Variants in TIAM1 observed in about 807,000 individuals in gnomAD.
The protein encoded by TIAM1 is TIAM Rac1 associated GEF 1.
In TIAM1, 65 loss-of-function variants were observed where a neutral mutation model predicts 163.5. The ratio of observed to expected loss-of-function variants is 0.40; its 90% CI spans 0.33 to 0.49. The LOEUF is 0.49. TIAM1 is among the 20% of genes least tolerant of loss of function. TIAM1 has a pLI of 0.77. For synonymous variants in TIAM1, 833 were observed against 810.1 expected (o/e 1.03, Z -0.48); for missense variants, 1,789 against 2,044.7 (o/e 0.87, Z 2.41).
At chr21:31,365,387 C>CTTTCT (rs1555956902) in intron 2 of TIAM1, among the ~76,000 whole-genome samples, 187 of 128,796 alleles carry the variant, frequency 1.5e-3, no homozygotes, top group East Asian at 1.9e-3. Context: ...TTATTTCTTT[C>CTTTCT]TTTTTTTTTT....
At position 31,141,630 on chromosome 21, in the gene TIAM1, G is replaced by A. The variant is rs1394328256; in HGVS notation, c.3476-126C>T. On this transcript the variant is annotated intron_variant, in intron 20 of 27. Transcript: ENST00000541036. The surrounding 1 kb of genome is among the most constrained non-coding windows in gnomAD (Gnocchi z 4.7). The stretch of plus-strand genomic sequence containing the variant: ...AGGACTGAGCAGAGAGTGGGTGGCA[G>A]GAAGAGGGACAGGTAGGGGAGGGGG... 5 of 1,069,834 alleles carry A rather than the reference G, an allele frequency of 4.7e-6. No individual in the cohort carries two copies. The East Asian group carries it at 1.2e-4, about 26-fold the overall frequency. 66.3% of individuals were successfully genotyped at this position (1,069,834 alleles called of 1,614,324 possible).
rs537302589 is a variant in TIAM1 at position 31,427,348 on chromosome 21, G to A, written c.-369+36635C>T. Among the ~76,000 whole-genome samples the A allele has an allele frequency of 9.2e-5, 14 of 152,128 alleles. No homozygotes were observed. The South Asian group carries it at 1.0e-3, about 11-fold the overall frequency. ...AAAATATGCAAAAAATTGGCCGGGC[G>A]TGGTGGTGGGCGCCTGTAGTCCCAG... On this transcript the variant is annotated intron_variant, in intron 2 of 28. Coordinates refer to the TIAM1 transcript ENST00000286827.
chr21:31,286,831 A>G (rs1455353494), intron 2 of TIAM1, among the ~76,000 whole-genome samples: 4 of 152,336 alleles, frequency 2.6e-5, no homozygotes, highest in African/African-American at 9.6e-5. Context: ...GGACTTTGTC[A>G]GAGGTACCAC....
chr21:31,493,596 G>A (rs997141897), intron 1 of TIAM1, among the ~76,000 whole-genome samples: 1 of 152,176 alleles, frequency 6.6e-6, no homozygotes, highest in Non-Finnish European at 1.5e-5. Flanking sequence ...GCAAGTCATG[G>A]GTTTAGAAGA....
At chr21:31,347,520 G>A (rs1053202658), upstream of TIAM1, among the ~76,000 whole-genome samples, 4 of 152,150 alleles carry the variant, frequency 2.6e-5, no homozygotes, top group South Asian at 2.1e-4. Context: ...TAAGTCATGC[G>A]AATTTCGGAA....
chr21:31,202,191 T>A (rs1280978730), intron 12 of TIAM1, among the ~76,000 whole-genome samples: 1 of 152,096 alleles, frequency 6.6e-6, no homozygotes, highest in African/African-American at 2.4e-5. Flanking sequence ...GCTACGGATG[T>A]CACACAAAAT....
intron 2 of TIAM1, among the ~76,000 whole-genome samples, chr21:31,385,446 G>A (rs2076849273): frequency 6.6e-6 from 1 of 152,054 alleles, no homozygotes; most frequent in African/African-American, 2.4e-5. Flanking sequence ...TGGGGTCAAG[G>A]GTCCCAAGGC....
rs762627653 is a variant in TIAM1, at chr21:31,210,049, C to G, written c.2384G>C (p.Cys795Ser). 1.1e-5 allele frequency: 17 copies of G among 1,613,332 alleles called. No individual in the cohort carries two copies. The highest frequency in any genetic ancestry group is 1.4e-5 in the Non-Finnish European group (16 of 1,179,698). Residue 795 changes from cysteine (C) to serine (S), a missense_variant, in exon 11 of 28, where the codon TGC (cysteine) becomes TCC (serine). This residue lies in a region of TIAM1 where 456 missense variants were observed against 586.6 expected (regional missense o/e 0.78). Transcript: ENST00000541036. Reference protein sequence around the residue: ...DTARDTLELICKTHQLDHSAH... With the variant: ...DTARDTLELISKTHQLDHSAH... ...CAACCCAAAGCAGCTCCATACCTTG[C>G]AAATCAGCTCCAGGGTGTCCCGTGC...
chr21:31,472,524 G>GAAAA (rs952439045), intron 1 of TIAM1, among the ~76,000 whole-genome samples: 1 of 151,610 alleles, frequency 6.6e-6, no homozygotes, highest in Admixed American at 6.6e-5. Flanking sequence ...AAGACTGTCT[G>GAAAA]AAAAAAAATA....
intron 12 of TIAM1, among the ~76,000 whole-genome samples, chr21:31,197,046 T>C (rs1249619617): frequency 6.6e-6 from 1 of 152,096 alleles, no homozygotes; most frequent in Non-Finnish European, 1.5e-5. Context: ...TGAGTACTCA[T>C]GGACATAAAA....
At chr21:31,328,234 A>C (rs978783537) in intron 2 of TIAM1, among the ~76,000 whole-genome samples, 1 of 152,152 alleles carries the variant, frequency 6.6e-6, no homozygotes, top group Non-Finnish European at 1.5e-5. Flanking sequence ...CACATGGTAC[A>C]TGTTGTAACT....
intron 26 of TIAM1, 119 bp downstream of exon 26, chr21:31,126,946 A>C: frequency 1.1e-6 from 1 of 906,544 alleles, no homozygotes; most frequent in Non-Finnish European, 1.7e-6. Context: ...CATTTACTGC[A>C]TCTCAGTGAT....
chr21:31,491,316 G>A (rs1301909572), intron 1 of TIAM1, among the ~76,000 whole-genome samples: 1 of 152,174 alleles, frequency 6.6e-6, no homozygotes, highest in East Asian at 1.9e-4. Flanking sequence ...TATTGTTTAA[G>A]GTATGTTTGG....
At chr21:31,346,453 T>C (rs2076149511), upstream of TIAM1, among the ~76,000 whole-genome samples, 1 of 152,138 alleles carries the variant, frequency 6.6e-6, no homozygotes, top group African/African-American at 2.4e-5. Flanking sequence ...TTGGCATCCA[T>C]GCACTCACCA....
At chr21:31,475,776 A>T (rs1215001828) in intron 1 of TIAM1, among the ~76,000 whole-genome samples, 1 of 152,232 alleles carries the variant, frequency 6.6e-6, no homozygotes, top group African/African-American at 2.4e-5. Flanking sequence ...CAGAGAAAAC[A>T]GCGAAACGAT....
At chr21:31,209,546 C>A (rs2086619456) in intron 11 of TIAM1, among the ~76,000 whole-genome samples, 1 of 152,182 alleles carries the variant, frequency 6.6e-6, no homozygotes, top group South Asian at 2.1e-4. Context: ...CTTCCATTTT[C>A]CCCAATTCTA....
chr21:31,405,713 C>A (rs552528733), intron 2 of TIAM1, among the ~76,000 whole-genome samples: 1 of 152,226 alleles, frequency 6.6e-6, no homozygotes, highest in South Asian at 2.1e-4. Context: ...ATCACAGGAA[C>A]AGCACGGGAA....
chr21:31,243,209 A>AAAATATATATAT (rs59419171), intron 6 of TIAM1, among the ~76,000 whole-genome samples: 4 of 117,276 alleles, frequency 3.4e-5, no homozygotes, highest in African/African-American at 1.5e-4. Context: ...AAAAAAAAAA[A>AAAATATATATAT]ATATATATAT....
At chr21:31,475,789 T>G (rs2833420) in intron 1 of TIAM1, among the ~76,000 whole-genome samples, 126,871 of 152,264 alleles carry the variant, frequency 0.83, 53,390 homozygotes, top group African/African-American at 0.93. Context: ...GAAACGATCT[T>G]GGCCTGGAGT....
Sources: gnomAD v4.1 joint callset for allele counts (sites outside exome capture counted in the v4.1 genomes callset) on GRCh38, gnomAD v4.1.1 for gene constraint, gnomAD v4.1.1 regional missense constraint, Gnocchi (gnomAD v3.1) non-coding constraint, MANE v1.5 for transcripts, NCBI Gene and HGNC (gene_info 2026-07-23, HGNC 2026-07-21) for gene names.